ACCSL: variants seen among roughly 807,000 people sequenced by gnomAD.
The protein encoded by ACCSL is probable inactive 1-aminocyclopropane-1-carboxylate synthase-like protein 2.
In ACCSL, 55 loss-of-function variants were observed where a neutral mutation model predicts 61.7. The observed-to-expected ratio is 0.89, with a 90% confidence interval of 0.72 to 1.12. ACCSL has a LOEUF of 1.12. Ranked by LOEUF, ACCSL falls within the 50% of genes most tolerant of loss-of-function variation. ACCSL has a pLI of 0.00. For missense variants in ACCSL, 632 were observed against 698.0 expected, an observed-to-expected ratio of 0.91 and a Z score of 1.07; for synonymous variants, 258 against 264.3, an observed-to-expected ratio of 0.98 and a Z score of 0.23.
chr11:43,927,500 G>T, the ACCSL span, among the ~76,000 whole-genome samples: 1 of 152,208 alleles, frequency 6.6e-6, no homozygotes, highest in African/African-American at 2.4e-5. Flanking sequence ...AATCCTCACA[G>T]CAGCCCATAG....
the ACCSL span, among the ~76,000 whole-genome samples, chr11:43,977,293 G>A: frequency 6.6e-6 from 1 of 152,214 alleles, no homozygotes; most frequent in Non-Finnish European, 1.5e-5. Flanking sequence ...ATGGAATTAA[G>A]TTTGCTAATC....
At chr11:44,027,158 G>T in the ACCSL span, among the ~76,000 whole-genome samples, 1 of 152,198 alleles carries the variant, frequency 6.6e-6, no homozygotes, top group Non-Finnish European at 1.5e-5. Flanking sequence ...CTCAGCCTTT[G>T]CCAAGAGGTA....
the ACCSL span, among the ~76,000 whole-genome samples, chr11:43,940,727 TCA>T: frequency 6.8e-6 from 1 of 146,062 alleles, no homozygotes; most frequent in Non-Finnish European, 1.5e-5. Flanking sequence ...TCCCCCTCTC[TCA>T]CTCTGCTTTA....
the ACCSL span, among the ~76,000 whole-genome samples, chr11:43,980,384 T>C: frequency 1.3e-5 from 2 of 152,242 alleles, no homozygotes; most frequent in African/African-American, 2.4e-5. Flanking sequence ...ATTTATGTTT[T>C]CATCGTCAGC....
chr11:44,035,665 C>T, the ACCSL span, among the ~76,000 whole-genome samples: 9 of 152,146 alleles, frequency 5.9e-5, no homozygotes, highest in South Asian at 1.2e-3. Flanking sequence ...GGGCAGGGCA[C>T]GGTGGCTCAG....
chr11:44,056,260 T>A lies in ACCSL; in HGVS notation c.1261T>A (p.Phe421Ile). 3.1e-6 allele frequency: 5 copies of A among 1,614,214 alleles called. No homozygotes were observed. Among genetic ancestry groups the A allele is most frequent in the African/African-American group, 2.7e-5 (2 of 75,048 alleles). The change falls in exon 11 of 14, where the codon TTT (phenylalanine) becomes ATT (isoleucine). Residue 421 changes from phenylalanine (F) to isoleucine (I), a missense_variant. By Grantham distance (21) the Phe-to-Ile change is conservative. Coordinates refer to ENST00000378832, the MANE Select transcript of ACCSL (RefSeq NM_001031854.2). ...NKEVASAVSA[F>I]GYLHSISGIT... ...GGAGGTGGCCTCTGCTGTGAGTGCC[T>A]TTGGCTACCTCCACAGTATTTCTGG...
At chr11:44,050,041 T>G (rs1952626523) in intron 1 of ACCSL, 21 bp from the exon 2 acceptor site, 1 of 1,614,190 alleles carries the variant, frequency 6.2e-7, no homozygotes, top group Non-Finnish European at 8.5e-7. Flanking sequence ...TGACCTGATC[T>G]TGGATTCCTT....
the ACCSL span, among the ~76,000 whole-genome samples, chr11:43,988,853 C>T: frequency 3.1e-5 from 4 of 130,874 alleles, no homozygotes; most frequent in African/African-American, 1.2e-4. Context: ...CTGGGCTGGA[C>T]TTGAGCTCCT....
the ACCSL span, among the ~76,000 whole-genome samples, chr11:44,020,500 C>T: frequency 6.6e-6 from 1 of 152,056 alleles, no homozygotes. Flanking sequence ...AAATCTATTC[C>T]TAGTGTCTTT....
chr11:43,980,314 A>T, the ACCSL span, among the ~76,000 whole-genome samples: 1 of 152,242 alleles, frequency 6.6e-6, no homozygotes, highest in Non-Finnish European at 1.5e-5. Flanking sequence ...AGATGTTCTC[A>T]TAAGTAATCT....
intron 11 of ACCSL, 117 bp from the exon 12 acceptor site, chr11:44,058,200 A>C: frequency 7.0e-6 from 9 of 1,291,852 alleles, no homozygotes; most frequent in Non-Finnish European, 9.5e-6. Flanking sequence ...ACAGACAAAC[A>C]AAACAAAAAC....
At chr11:43,936,646 C>A in the ACCSL span, among the ~76,000 whole-genome samples, 1 of 152,298 alleles carries the variant, frequency 6.6e-6, no homozygotes, top group East Asian at 1.9e-4. Context: ...GAGTCCATGG[C>A]GGCACTTAGG....
the ACCSL span, among the ~76,000 whole-genome samples, chr11:43,988,781 C>A: frequency 2.0e-5 from 3 of 148,654 alleles, no homozygotes; most frequent in Non-Finnish European, 3.0e-5. Flanking sequence ...CCTAGGAGAC[C>A]ATTTCTGTCT....
rs766463284 is a variant in ACCSL, at chr11:44,048,504, C to T, written c.468C>T (p.Tyr156=). The T allele has an allele frequency of 6.3e-6, 10 of 1,597,842 alleles. No homozygotes were observed. Among genetic ancestry groups the T allele is most frequent in the Non-Finnish European group, 8.5e-6 (10 of 1,176,594 alleles). Residue 156 remains tyrosine (Y), a synonymous_variant, in exon 1 of 14, where the codon TAC becomes TAT. Transcript: ENST00000378832. ...YQSSFQDYNA[Y]QKDKYHKDKN... ...CGAGCTTCCAGGACTACAATGCCTA[C>T]CAAAAAGATAAATATCATAAGGACA...
At chr11:44,043,190 CT>C (rs1952584117), upstream of ACCSL, among the ~76,000 whole-genome samples, 1 of 152,128 alleles carries the variant, frequency 6.6e-6, no homozygotes. Flanking sequence ...ACCGTTTGAG[CT>C]TGGACAAATG....
At chr11:44,006,997 C>T in the ACCSL span, among the ~76,000 whole-genome samples, 30,963 of 152,180 alleles carry the variant, frequency 0.2, 4,183 homozygotes, top group Admixed American at 0.33. Flanking sequence ...GTAGGCCTAG[C>T]TGACGTTTGA....
At chr11:43,923,108 G>A in the ACCSL span, among the ~76,000 whole-genome samples, 1 of 152,200 alleles carries the variant, frequency 6.6e-6, no homozygotes, top group Admixed American at 6.5e-5. Context: ...GTGCGTGGCA[G>A]GTCTGTCTGG....
chr11:43,981,096 A>G, the ACCSL span, among the ~76,000 whole-genome samples: 4 of 151,542 alleles, frequency 2.6e-5, no homozygotes, highest in Non-Finnish European at 4.4e-5. Context: ...ATGGGGCAGG[A>G]AAACAAACAA....
At chr11:44,035,801 G>C in the ACCSL span, among the ~76,000 whole-genome samples, 1 of 151,982 alleles carries the variant, frequency 6.6e-6, no homozygotes, top group East Asian at 1.9e-4. Flanking sequence ...AGCCAGGCAT[G>C]GTGCTGCATG....
Sources: gnomAD v4.1 joint callset for allele counts (sites outside exome capture counted in the v4.1 genomes callset) on GRCh38, gnomAD v4.1.1 for gene constraint, MANE v1.5 for transcripts, NCBI Gene and HGNC (gene_info 2026-07-23, HGNC 2026-07-21) for gene names.